The following NFATC3 variants were observed in gnomAD, a reference collection of about 807,000 sequenced individuals.
The protein encoded by NFATC3 is nuclear factor of activated T-cells, cytoplasmic 3.
NFATC3 carries 46 observed loss-of-function variants against 98.6 expected under a neutral mutation model. The ratio of observed to expected loss-of-function variants is 0.47; its 90% CI spans 0.37 to 0.60. The LOEUF (loss-of-function observed/expected upper bound fraction) is 0.60. Among genes scored for constraint, NFATC3 ranks in the 20% least tolerant of loss-of-function variants. The pLI, the probability that NFATC3 is intolerant of heterozygous loss-of-function variation, is 0.00. For synonymous variants in NFATC3, 512 were observed against 472.2 expected (o/e 1.08, Z -1.09); for missense variants, 1,256 against 1,295.5 (o/e 0.97, Z 0.47).
rs562762314 is a variant in NFATC3 at position 68,228,953 on chromosome 16, A to G, written c.*2482A>G. ...GTGTAAACTATCCCCACCCAGGGCCAGCCATTATCACCAGACCTCTTCTGG... is the reference window on the plus strand; with the variant it reads ...GTGTAAACTATCCCCACCCAGGGCCGGCCATTATCACCAGACCTCTTCTGG... On this transcript the variant is annotated 3_prime_UTR_variant, in exon 10 of 10. Transcript: ENST00000346183. 6.6e-6 allele frequency: 1 copy of G among 152,396 alleles called. No homozygotes were observed. Among genetic ancestry groups the G allele is most frequent in the East Asian group, 1.9e-4 (1 of 5,190 alleles). 9.4% of individuals were successfully genotyped at this position (152,396 alleles called of 1,614,324 possible). A position where few individuals can be genotyped will look rare whatever the true frequency, so the allele number is the denominator to read the frequency against.
intron 1 of NFATC3, among the ~76,000 whole-genome samples, chr16:68,108,889 C>T (rs537547885): frequency 5.9e-5 from 9 of 152,070 alleles, no homozygotes; most frequent in African/African-American, 1.7e-4. Context: ...CTCTTGTTGG[C>T]GTAAAGGAAT....
chr16:68,216,906 A>G (rs2041662547), intron 9 of NFATC3, among the ~76,000 whole-genome samples: 2 of 152,166 alleles, frequency 1.3e-5, no homozygotes, highest in African/African-American at 4.8e-5. Flanking sequence ...GGTGGGGAAA[A>G]AAGGTATAAT....
chr16:68,106,985 C>T (rs2035694212), intron 1 of NFATC3, among the ~76,000 whole-genome samples: 3 of 152,044 alleles, frequency 2.0e-5, no homozygotes, highest in Admixed American at 1.3e-4. Context: ...TCATTGTTCA[C>T]CTACTGTTTA....
At chr16:68,108,603 A>C (rs2035790204) in intron 1 of NFATC3, among the ~76,000 whole-genome samples, 1 of 152,186 alleles carries the variant, frequency 6.6e-6, no homozygotes, top group Non-Finnish European at 1.5e-5. Context: ...GTTTTTTCTA[A>C]TTCTGTGAAG....
Position 68,157,190 on chromosome 16 carries a change from TTCTC to T in NFATC3, c.1402-671_1402-668del, listed in dbSNP as rs1281967433. Among the ~76,000 whole-genome samples, 7 of 151,702 alleles carry T rather than the reference TTCTC, an allele frequency of 4.6e-5. No individual in the cohort carries two copies. In the South Asian group the frequency reaches 1.5e-3, roughly 32 times the overall value. On this transcript the variant is annotated intron_variant, in intron 3 of 9. Transcript: ENST00000346183. ...CATAGAAAACAAAGGCACAAACACATTCTCTCTCTCTGTCTCTGTCTCTCTCTCC... is the reference window on the plus strand; with the variant it reads ...CATAGAAAACAAAGGCACAAACACATTCTCTCTGTCTCTGTCTCTCTCTCC...
intron 3 of NFATC3, chr16:68,138,763 A>G: frequency 7.8e-7 from 1 of 1,283,720 alleles, no homozygotes; most frequent in Admixed American, 2.4e-5. Flanking sequence ...TCTGTAGTAT[A>G]ATATAGAACT....
At position 68,190,903 on chromosome 16, in the gene NFATC3, G is replaced by T. The variant is rs764461273; in HGVS notation, c.2234G>T (p.Arg745Ile). 1.2e-5 allele frequency: 19 copies of T among 1,614,110 alleles called. No homozygotes were observed. The highest frequency in any genetic ancestry group is 1.7e-5 in the Admixed American group (1 of 60,010). The change falls in exon 9 of 10, where the codon AGA becomes ATA. Residue 745 changes from arginine (R) to isoleucine (I), a missense_variant. Physicochemically the swap from Arg to Ile is moderately conservative, Grantham distance 97. Coordinates refer to ENST00000346183, the MANE Select transcript of NFATC3 (RefSeq NM_173165.3). Reference protein sequence around the residue: ...CSHDSVLSGQRSLICSIPQTY... With the variant: ...CSHDSVLSGQISLICSIPQTY... ...CATGACAGTGTACTGTCAGGACAGAGAAGTTTGATTTGCTCCATCCCACAA... is the reference window on the plus strand; with the variant it reads ...CATGACAGTGTACTGTCAGGACAGATAAGTTTGATTTGCTCCATCCCACAA...
intron 1 of NFATC3, among the ~76,000 whole-genome samples, chr16:68,121,120 C>A (rs1212107647): frequency 6.6e-6 from 1 of 151,652 alleles, no homozygotes; most frequent in Admixed American, 6.6e-5. Flanking sequence ...ATCCCAAGCA[C>A]TTCTGGCCTC....
chr16:68,098,303 T>TTATTA (rs1567495294), intron 1 of NFATC3, among the ~76,000 whole-genome samples: 2 of 118,306 alleles, frequency 1.7e-5, no homozygotes, highest in Non-Finnish European at 3.6e-5. Context: ...TATTATTATT[T>TTATTA]TTTTTTTTTT....
chr16:68,117,378 T>C (rs2036335080), intron 1 of NFATC3, among the ~76,000 whole-genome samples: 1 of 152,240 alleles, frequency 6.6e-6, no homozygotes, highest in African/African-American at 2.4e-5. Flanking sequence ...CTTTTCTGTT[T>C]AGAATGCTCC....
chr16:68,168,541 A>T (rs2039320729), intron 5 of NFATC3, among the ~76,000 whole-genome samples: 1 of 150,978 alleles, frequency 6.6e-6, no homozygotes, highest in Admixed American at 6.6e-5. Context: ...GCTCGAGTGC[A>T]ATGGCACGAT....
chr16:68,228,903 G>A lies in NFATC3; in HGVS notation c.*2432G>A, dbSNP rs995968239. On this transcript the variant is annotated 3_prime_UTR_variant, in exon 10 of 10. Transcript: ENST00000346183. The stretch of plus-strand genomic sequence containing the variant: ...AGCTTTAAAAAGAACATGTCTTTGG[G>A]TTCATGTGTGGTGCTGCTGCCCGGG... The A allele has an allele frequency of 3.9e-5, 6 of 152,360 alleles. No individual in the cohort carries two copies. Among genetic ancestry groups the A allele is most frequent in the African/African-American group, 1.4e-4 (6 of 41,592 alleles). 9.4% of individuals were successfully genotyped at this position (152,360 alleles called of 1,614,324 possible).
At chr16:68,210,297 CA>C (rs147338164) in intron 9 of NFATC3, among the ~76,000 whole-genome samples, 34,093 of 107,396 alleles carry the variant, frequency 0.32, 4,669 homozygotes, top group African/African-American at 0.48. Flanking sequence ...GATTCCTTCT[CA>C]AAAAAAAAAA....
chr16:68,143,451 A>G (rs1433440116), intron 3 of NFATC3, among the ~76,000 whole-genome samples: 1 of 152,186 alleles, frequency 6.6e-6, no homozygotes, highest in Admixed American at 6.5e-5. Context: ...TCTTTTTAGT[A>G]AATAGTGCTG....
chr16:68,136,119 A>G (rs2037391397), intron 3 of NFATC3, among the ~76,000 whole-genome samples: 1 of 152,166 alleles, frequency 6.6e-6, no homozygotes, highest in African/African-American at 2.4e-5. Flanking sequence ...CTTTACTGTG[A>G]ACATTTGTCT....
chr16:68,184,115 AC>A (rs1299065728), intron 8 of NFATC3, among the ~76,000 whole-genome samples: 1 of 152,130 alleles, frequency 6.6e-6, no homozygotes, highest in Non-Finnish European at 1.5e-5. Context: ...AGTGTCAAGA[AC>A]CAGTTTAATC....
chr16:68,138,639 C>A, intron 3 of NFATC3: 1 of 1,288,962 alleles, frequency 7.8e-7, no homozygotes, highest in African/African-American at 1.5e-5. Context: ...TACTATCAAT[C>A]ATCACCACTT....
At chr16:68,092,029 C>T (rs548110620) in intron 1 of NFATC3, among the ~76,000 whole-genome samples, 1 of 152,260 alleles carries the variant, frequency 6.6e-6, no homozygotes, top group East Asian at 1.9e-4. Flanking sequence ...GTAATGTTTA[C>T]GTAATTATAT....
At chr16:68,124,006 AG>A (rs1333442792) in intron 2 of NFATC3, among the ~76,000 whole-genome samples, 1 of 152,088 alleles carries the variant, frequency 6.6e-6, no homozygotes, top group Non-Finnish European at 1.5e-5. Flanking sequence ...AAAAAAAAAA[AG>A]AACCTATTAA....
Sources: allele counts gnomAD v4.1 joint callset (sites outside exome capture counted in the v4.1 genomes callset), GRCh38; gene constraint gnomAD v4.1.1; transcripts MANE v1.5; gene names NCBI Gene and HGNC (gene_info 2026-07-23, HGNC 2026-07-21).